The following SLMAP variants were observed in gnomAD, a reference collection of about 807,000 sequenced individuals.
SLMAP encodes sarcolemmal membrane-associated protein.
Under a neutral mutation model 128.8 loss-of-function variants are expected in SLMAP, and 44 were observed. The observed-to-expected ratio is 0.34, with a 90% CI of 0.27 to 0.44. SLMAP has a LOEUF of 0.44. Among genes scored for constraint, SLMAP ranks in the 20% least tolerant of loss-of-function variants. SLMAP has a pLI of 1.00. For missense variants in SLMAP, 787 were observed against 985.3 expected, an observed-to-expected ratio of 0.80 and a Z score of 2.69; for synonymous variants, 327 against 348.8, an observed-to-expected ratio of 0.94 and a Z score of 0.70.
intron 2 of SLMAP, among the ~76,000 whole-genome samples, chr3:57,766,049 A>G (rs2079614509): frequency 1.4e-5 from 2 of 145,692 alleles, no homozygotes; most frequent in African/African-American, 5.1e-5. Context: ...CCCAGGCTGG[A>G]ATACAGTGGC....
intron 17 of SLMAP, among the ~76,000 whole-genome samples, chr3:57,907,613 G>C (rs1476999078): frequency 6.6e-6 from 1 of 152,114 alleles, no homozygotes; most frequent in East Asian, 1.9e-4. Flanking sequence ...ATCTGTCACT[G>C]TCTGTTTATT....
intron 6 of SLMAP, among the ~76,000 whole-genome samples, chr3:57,856,719 G>A (rs1227551510): frequency 6.6e-6 from 1 of 152,054 alleles, no homozygotes; most frequent in Non-Finnish European, 1.5e-5. Context: ...ACAATAAAAA[G>A]TATAGTACAT....
rs1261963102 is a variant in SLMAP, at chr3:57,757,531, T to C, written c.-121T>C. 1.5e-5 allele frequency: 12 copies of C among 813,844 alleles called. No homozygotes were observed. Among genetic ancestry groups the C allele is most frequent in the Non-Finnish European group, 2.2e-5 (11 of 496,270 alleles). The allele number at this position is 813,844 out of a possible 1,614,324, so 50.4% of individuals were successfully genotyped here. A position where few individuals can be genotyped will look rare whatever the true frequency, so the allele number is the denominator to read the frequency against. ...GTTCACTGGTTATGCTTAGACAATG[T>C]GCAGTTTGTGTTAATTTAAAATTTT... On this transcript the variant is annotated 5_prime_UTR_variant, in exon 2 of 25. Coordinates refer to ENST00000671191, the MANE Select transcript of SLMAP (RefSeq NM_001377540.1).
chr3:57,791,501 G>T (rs1484714761), intron 2 of SLMAP, among the ~76,000 whole-genome samples: 1 of 151,998 alleles, frequency 6.6e-6, no homozygotes, highest in African/African-American at 2.4e-5. Context: ...TGTAAATATG[G>T]CTCTGCTACT....
In SLMAP at chr3:57,906,719, T is replaced by C. The variant is rs574067043; in HGVS notation, c.1502-1165T>C. ...TATATATAATTTCCAAAACCTATTG[T>C]AATTGTATTGTGAAAGTTATTCTTA... On this transcript the variant is annotated intron_variant, in intron 17 of 24. Transcript: ENST00000671191. Among the ~76,000 whole-genome samples the C allele has an allele frequency of 2.5e-3, 374 of 149,610 alleles. 2 individuals are homozygous for C. Among genetic ancestry groups the C allele is most frequent in the African/African-American group, 8.3e-3 (342 of 41,058 alleles).
chr3:57,760,236 G>A (rs1048828040), intron 2 of SLMAP, among the ~76,000 whole-genome samples: 2 of 152,106 alleles, frequency 1.3e-5, no homozygotes, highest in African/African-American at 2.4e-5. Flanking sequence ...CACCACACCC[G>A]GCCATGAAAT....
At chr3:57,841,158 T>C (rs1286081011) in intron 3 of SLMAP, 141 bp from the exon 4 acceptor site, 12 of 501,986 alleles carry the variant, frequency 2.4e-5, no homozygotes, top group Non-Finnish European at 3.8e-5. Context: ...TCCAGGGTAA[T>C]AATGTCATTA....
chr3:57,913,993 TG>T (rs2096756122), intron 21 of SLMAP, among the ~76,000 whole-genome samples: 1 of 152,026 alleles, frequency 6.6e-6, no homozygotes, highest in African/African-American at 2.4e-5. Context: ...TTTGTGCTAC[TG>T]AAAGATATAA....
intron 2 of SLMAP, among the ~76,000 whole-genome samples, chr3:57,778,518 T>C (rs367552927): frequency 1.1e-4 from 16 of 151,312 alleles, no homozygotes; most frequent in African/African-American, 3.9e-4. Context: ...TTGTTTCTGC[T>C]TGCTTTGTGT....
chr3:57,902,662 A>AGG lies in SLMAP; in HGVS notation c.1502-5222_1502-5221insGG, dbSNP rs2096418600. 2.0e-5 allele frequency among the ~76,000 whole-genome samples: 3 copies of AGG among 152,298 alleles called. No individual in the cohort carries two copies. The South Asian group carries it at 6.2e-4, about 32-fold the overall frequency. ...CTTATCTAGAATCCATTGGCCTGAG[A>AGG]CATTAAATATGGGAGAGAGATGGAA... is the stretch of plus-strand genomic sequence containing the variant. On this transcript the variant is annotated intron_variant, in intron 17 of 24. Transcript: ENST00000671191.
At chr3:57,762,809 G>A (rs1285547078) in intron 2 of SLMAP, among the ~76,000 whole-genome samples, 1 of 144,988 alleles carries the variant, frequency 6.9e-6, no homozygotes, top group Admixed American at 7.3e-5. Context: ...TCTCCCTCCT[G>A]GGTTCAAGTG....
At chr3:57,879,805 G>A (rs1158445966) in intron 14 of SLMAP, among the ~76,000 whole-genome samples, 11 of 151,890 alleles carry the variant, frequency 7.2e-5, no homozygotes, top group Admixed American at 6.6e-4. Flanking sequence ...AGCTGGGCAT[G>A]TGTGGCGGGT....
chr3:57,788,695 A>G (rs1358670918), intron 2 of SLMAP, among the ~76,000 whole-genome samples: 1 of 152,170 alleles, frequency 6.6e-6, no homozygotes, highest in East Asian at 1.9e-4. Flanking sequence ...AGAGTTTTTG[A>G]GAAGAGAGTT....
chr3:57,870,346 AT>A (rs1374193945), intron 13 of SLMAP, among the ~76,000 whole-genome samples: 6 of 152,110 alleles, frequency 3.9e-5, no homozygotes, highest in Middle Eastern at 3.4e-3. Context: ...ATTCTTATTT[AT>A]TAGATTTTTT....
intron 6 of SLMAP, among the ~76,000 whole-genome samples, chr3:57,851,283 C>A (rs1178988350): frequency 6.6e-6 from 1 of 151,116 alleles, no homozygotes; most frequent in African/African-American, 2.4e-5. Flanking sequence ...AGAGCAGATA[C>A]TGCTTCAAGT....
intron 17 of SLMAP, chr3:57,899,861 C>T (rs1248444282): frequency 1.3e-5 from 2 of 152,118 alleles, no homozygotes; most frequent in Non-Finnish European, 2.9e-5. Flanking sequence ...GAAGAGTCTC[C>T]AAGAGATAAT....
chr3:57,849,618 G>T lies in SLMAP; in HGVS notation c.457-136G>T, dbSNP rs2094433373. 5.0e-6 allele frequency: 3 copies of T among 594,846 alleles called. No homozygotes were observed. The South Asian group carries it at 6.9e-5, about 14-fold the overall frequency. The allele number at this position is 594,846 out of a possible 1,614,324, so 36.8% of individuals were successfully genotyped here. On this transcript the variant is annotated intron_variant, in intron 5 of 24. Coordinates refer to ENST00000671191, the MANE Select transcript of SLMAP (RefSeq NM_001377540.1). ...AGAAAAAAATTTAAAAGGCTATATTGCCTTTGTGCTATAAATTTGTGATTT... is the reference window on the plus strand; with the variant it reads ...AGAAAAAAATTTAAAAGGCTATATTTCCTTTGTGCTATAAATTTGTGATTT...
At chr3:57,855,711 T>TAAAAAAA (rs562768502) in intron 6 of SLMAP, among the ~76,000 whole-genome samples, 2 of 110,854 alleles carry the variant, frequency 1.8e-5, no homozygotes, top group Admixed American at 1.0e-4. Flanking sequence ...CCCCATCTGT[T>TAAAAAAA]AAAAAAAAAA....
intron 2 of SLMAP, among the ~76,000 whole-genome samples, chr3:57,789,320 T>C (rs2084931201): frequency 6.6e-6 from 1 of 152,104 alleles, no homozygotes; most frequent in African/African-American, 2.4e-5. Flanking sequence ...GAATACAGCA[T>C]GGGCAATTGG....
Sources: gnomAD v4.1 joint callset for allele counts (sites outside exome capture counted in the v4.1 genomes callset) on GRCh38, gnomAD v4.1.1 for gene constraint, MANE v1.5 for transcripts, NCBI Gene and HGNC (gene_info 2026-07-23, HGNC 2026-07-21) for gene names.